The following ZBTB16 variants were observed in gnomAD, a reference collection of about 807,000 sequenced individuals.
The protein encoded by ZBTB16 is zinc finger and BTB domain containing 16.
In ZBTB16, 8 loss-of-function variants were observed where a neutral mutation model predicts 56.8. That is an observed-to-expected ratio of 0.14 (90% CI 0.08 to 0.25). The LOEUF (loss-of-function observed/expected upper bound fraction) is 0.25. Ranked by LOEUF, ZBTB16 falls within the 10% of genes least tolerant of loss-of-function variation. ZBTB16 has a pLI of 1.00. For synonymous variants in ZBTB16, 363 were observed against 368.5 expected (o/e 0.98, Z 0.17); for missense variants, 625 against 903.0 (o/e 0.69, Z 3.95).
At chr11:114,165,224 C>G (rs1300074503) in intron 3 of ZBTB16, among the ~76,000 whole-genome samples, 2 of 152,184 alleles carry the variant, frequency 1.3e-5, no homozygotes, top group Admixed American at 6.5e-5. Flanking sequence ...CTAGAATGCT[C>G]CCAGCACCTA....
chr11:114,081,452 T>C (rs1939756244), intron 2 of ZBTB16, among the ~76,000 whole-genome samples: 1 of 152,178 alleles, frequency 6.6e-6, no homozygotes, highest in African/African-American at 2.4e-5. Context: ...GACTATGATA[T>C]ATATATTCAG....
intron 4 of ZBTB16, among the ~76,000 whole-genome samples, chr11:114,207,417 C>T (rs887079127): frequency 1.3e-5 from 2 of 151,974 alleles, no homozygotes; most frequent in African/African-American, 4.8e-5. Flanking sequence ...GCTGCGTGGC[C>T]CAGAAGGTTC....
intron 2 of ZBTB16, among the ~76,000 whole-genome samples, chr11:114,124,383 C>T (rs574853567): frequency 2.1e-4 from 32 of 151,936 alleles, no homozygotes; most frequent in African/African-American, 6.0e-4. Context: ...AATGCTTCTC[C>T]CACCCTCTAT....
At chr11:114,182,361 A>G (rs1385921591) in intron 3 of ZBTB16, among the ~76,000 whole-genome samples, 1 of 151,996 alleles carries the variant, frequency 6.6e-6, no homozygotes, top group Non-Finnish European at 1.5e-5. Context: ...TCTTCATTTA[A>G]TTTATTTCTC....
At chr11:114,203,017 A>G (rs1349484746) in intron 4 of ZBTB16, among the ~76,000 whole-genome samples, 1 of 152,256 alleles carries the variant, frequency 6.6e-6, no homozygotes, top group African/African-American at 2.4e-5. Flanking sequence ...CATTCATAGC[A>G]GTGTTGTTCA....
chr11:114,088,920 C>G (rs1416403900), intron 2 of ZBTB16, among the ~76,000 whole-genome samples: 2 of 152,166 alleles, frequency 1.3e-5, no homozygotes, highest in Non-Finnish European at 2.9e-5. Context: ...CCTGGGGGCC[C>G]CCCCACACAA....
chr11:114,190,346 T>C (rs535693921), intron 4 of ZBTB16, among the ~76,000 whole-genome samples: 1 of 152,294 alleles, frequency 6.6e-6, no homozygotes, highest in African/African-American at 2.4e-5. Flanking sequence ...ATGCATTTAA[T>C]CCAACTAACC....
intron 4 of ZBTB16, among the ~76,000 whole-genome samples, chr11:114,192,621 A>T (rs940527283): frequency 6.6e-6 from 1 of 152,052 alleles, no homozygotes; most frequent in Non-Finnish European, 1.5e-5. Flanking sequence ...TCATGATGGG[A>T]GGGGAGCTTT....
intron 4 of ZBTB16, among the ~76,000 whole-genome samples, chr11:114,197,881 G>A (rs1251407187): frequency 3.3e-5 from 5 of 152,090 alleles, no homozygotes; most frequent in Non-Finnish European, 7.4e-5. Flanking sequence ...ACAGTGCTGG[G>A]CACCAAGGAG....
chr11:114,204,565 A>G (rs756103251), intron 4 of ZBTB16, among the ~76,000 whole-genome samples: 1 of 152,104 alleles, frequency 6.6e-6, no homozygotes, highest in Non-Finnish European at 1.5e-5. Context: ...TGTTCTCCCT[A>G]CACCCATTCG....
intron 3 of ZBTB16, among the ~76,000 whole-genome samples, chr11:114,166,078 TCAGTGAAATGG>T (rs1942744440): frequency 6.6e-6 from 1 of 152,102 alleles, no homozygotes; most frequent in Admixed American, 6.5e-5. Context: ...TCGGTGACTG[TCAGTGAAATGG>T]CATGGCATTC....
At chr11:114,104,961 G>A (rs1054375141) in intron 2 of ZBTB16, among the ~76,000 whole-genome samples, 1 of 152,046 alleles carries the variant, frequency 6.6e-6, no homozygotes, top group African/African-American at 2.4e-5. Flanking sequence ...CACAGGCCGT[G>A]GTACTTGCCT....
At chr11:114,209,618 C>A in intron 4 of ZBTB16, 13 of 985,396 alleles carry the variant, frequency 1.3e-5, no homozygotes, top group Non-Finnish European at 1.6e-5. Flanking sequence ...GGGGGCTCTC[C>A]TCTGCCTTAG....
At chr11:114,155,298 C>T (rs1482577164) in intron 2 of ZBTB16, among the ~76,000 whole-genome samples, 4 of 152,318 alleles carry the variant, frequency 2.6e-5, no homozygotes, top group South Asian at 4.1e-4. Context: ...ATCCTGGATC[C>T]GGCAATAGCA....
At chr11:114,094,237 C>A (rs897823510) in intron 2 of ZBTB16, among the ~76,000 whole-genome samples, 2 of 95,838 alleles carry the variant, frequency 2.1e-5, no homozygotes, top group Admixed American at 9.1e-5. Context: ...ATGGCGTGAA[C>A]CCGGGAGGCA....
intron 2 of ZBTB16, among the ~76,000 whole-genome samples, chr11:114,076,247 A>C (rs1939559500): frequency 6.6e-6 from 1 of 152,184 alleles, no homozygotes; most frequent in Non-Finnish European, 1.5e-5. Context: ...CAGTTCAAGG[A>C]AAAATAAAAA....
chr11:114,123,037 CCTT>C (rs1316937763), intron 2 of ZBTB16, among the ~76,000 whole-genome samples: 2 of 152,122 alleles, frequency 1.3e-5, no homozygotes, highest in Non-Finnish European at 2.9e-5. Context: ...TTGATGGCCT[CCTT>C]CTCGCCGAGT....
chr11:114,213,534 C>G (rs1944037191), intron 4 of ZBTB16, among the ~76,000 whole-genome samples: 1 of 152,142 alleles, frequency 6.6e-6, no homozygotes, highest in African/African-American at 2.4e-5. Flanking sequence ...TGGGAGGAGA[C>G]CCCAGCAGTA....
chr11:114,064,318 C>T lies in ZBTB16; in HGVS notation c.1018C>T (p.His340Tyr). 2 of 1,614,122 alleles carry T rather than the reference C, an allele frequency of 1.2e-6. No individual in the cohort carries two copies. The highest frequency in any genetic ancestry group is 1.7e-6 in the Non-Finnish European group (2 of 1,180,038). Residue 340 changes from histidine (H) to tyrosine (Y), a missense_variant, in exon 2 of 7, where the codon CAC (histidine) becomes TAC (tyrosine). This residue lies in a region of ZBTB16 where 384 missense variants were observed against 393.5 expected (regional missense o/e 0.98). Coordinates refer to ENST00000335953, the MANE Select transcript of ZBTB16 (RefSeq NM_006006.6). The surrounding 1 kb of genome is among the most constrained non-coding windows in gnomAD (Gnocchi z 4.2). ...HLGIYSVLPN[H>Y]KADAVLSMPS... ...GGGCATCTACTCCGTGTTGCCCAACCACAAGGCTGACGCTGTATTGAGCAT... is the reference window on the plus strand; with the variant it reads ...GGGCATCTACTCCGTGTTGCCCAACTACAAGGCTGACGCTGTATTGAGCAT...
Sources: gnomAD v4.1 joint callset for allele counts (sites outside exome capture counted in the v4.1 genomes callset) on GRCh38, gnomAD v4.1.1 for gene constraint, gnomAD v4.1.1 regional missense constraint, Gnocchi (gnomAD v3.1) non-coding constraint, MANE v1.5 for transcripts, NCBI Gene and HGNC (gene_info 2026-07-23, HGNC 2026-07-21) for gene names.